Variants in ELMO1 observed in about 807,000 individuals in gnomAD.
ELMO1 encodes engulfment and cell motility 1.
In ELMO1, 26 loss-of-function variants were observed where a neutral mutation model predicts 98.9. The observed-to-expected ratio is 0.26, with a 90% CI of 0.19 to 0.36. ELMO1 has a LOEUF of 0.36. ELMO1 is among the 10% of genes least tolerant of loss of function. The pLI is 1.00. For missense variants in ELMO1, 627 were observed against 935.2 expected, an observed-to-expected ratio of 0.67 and a Z score of 4.30; for synonymous variants, 346 against 346.0, an observed-to-expected ratio of 1.00 and a Z score of 0.00.
At chr7:37,040,893 A>C (rs1012789167) in intron 15 of ELMO1, among the ~76,000 whole-genome samples, 1 of 151,970 alleles carries the variant, frequency 6.6e-6, no homozygotes, top group African/African-American at 2.4e-5. Context: ...CTATCCAACA[A>C]AGGCAAAACC....
At position 36,855,429 on chromosome 7, in the gene ELMO1, A is replaced by G. The variant is rs1331571071; in HGVS notation, c.*122T>C. 3 of 1,258,164 alleles carry G rather than the reference A, an allele frequency of 2.4e-6. No homozygotes were observed. The African/African-American group carries it at 4.4e-5, about 19-fold the overall frequency. The allele number at this position is 1,258,164 out of a possible 1,614,324, so 77.9% of individuals were successfully genotyped here. ...CAGGGCTAGAGGTGATGCTGAAGGG[A>G]ATGTGGACCCACAGCTTCCCTTTAC... On this transcript the variant is annotated 3_prime_UTR_variant, in exon 22 of 22. Coordinates refer to ENST00000310758, the MANE Select transcript of ELMO1 (RefSeq NM_014800.11). The surrounding 1 kb of genome is among the most constrained non-coding windows in gnomAD (Gnocchi z 4.2).
intron 1 of ELMO1, among the ~76,000 whole-genome samples, chr7:37,344,134 C>T (rs575974410): frequency 2.7e-5 from 4 of 148,222 alleles, no homozygotes; most frequent in South Asian, 2.1e-4. Flanking sequence ...CGGGTTCAAG[C>T]GATTCTCCCG....
intron 16 of ELMO1, among the ~76,000 whole-genome samples, chr7:37,004,229 A>G (rs1792889691): frequency 6.6e-6 from 1 of 152,198 alleles, no homozygotes; most frequent in East Asian, 1.9e-4. Flanking sequence ...AATGGGACAT[A>G]TACTAATAAA....
intron 1 of ELMO1, among the ~76,000 whole-genome samples, chr7:37,417,391 G>A (rs187135606): frequency 1.3e-5 from 2 of 152,186 alleles, no homozygotes; most frequent in East Asian, 3.9e-4. Flanking sequence ...GCCAGGCGCG[G>A]TGTCTTACGC....
At chr7:37,143,529 C>A (rs1298868463) in intron 13 of ELMO1, among the ~76,000 whole-genome samples, 1 of 151,790 alleles carries the variant, frequency 6.6e-6, no homozygotes, top group African/African-American at 2.4e-5. Context: ...GCCTCAGCCT[C>A]CTGAGTAGCT....
chr7:37,223,609 G>A (rs1406619623), intron 9 of ELMO1, among the ~76,000 whole-genome samples: 1 of 152,226 alleles, frequency 6.6e-6, no homozygotes, highest in East Asian at 1.9e-4. Flanking sequence ...GGATGAAGAT[G>A]TGTGCCTTTG....
chr7:37,154,891 AAATGTTAAGGGCAGCCAGAGAGAAAGGTC>A, intron 13 of ELMO1, among the ~76,000 whole-genome samples: 1 of 152,340 alleles, frequency 6.6e-6, no homozygotes, highest in East Asian at 1.9e-4. Flanking sequence ...AGGAAGGAAA[AAATGTTAAGGGCAGCCAGAGAGAAAGGTC>A]AAGTTACCCA....
chr7:37,364,648 A>G (rs1329584225), intron 1 of ELMO1, among the ~76,000 whole-genome samples: 1 of 151,822 alleles, frequency 6.6e-6, no homozygotes, highest in Admixed American at 6.6e-5. Context: ...CTCAAAACCA[A>G]ATTTCTTCTT....
intron 16 of ELMO1, among the ~76,000 whole-genome samples, chr7:36,922,184 C>T (rs914904627): frequency 1.2e-4 from 18 of 152,022 alleles, no homozygotes; most frequent in African/African-American, 3.1e-4. Context: ...GATTGAATGA[C>T]GCTATTTTTG....
chr7:37,069,049 A>G (rs988776309), intron 15 of ELMO1, among the ~76,000 whole-genome samples: 35 of 152,146 alleles, frequency 2.3e-4, no homozygotes, highest in Admixed American at 1.7e-3. Flanking sequence ...TCAGGGTTCT[A>G]TCCTGACAGT....
At chr7:36,969,911 G>T (rs759926412) in intron 16 of ELMO1, among the ~76,000 whole-genome samples, 1 of 150,908 alleles carries the variant, frequency 6.6e-6, no homozygotes, top group African/African-American at 2.4e-5. Context: ...TATTGTAAGG[G>T]GTTTTATTTT....
intron 16 of ELMO1, among the ~76,000 whole-genome samples, chr7:36,929,092 A>C (rs1785816203): frequency 6.6e-6 from 1 of 152,244 alleles, no homozygotes; most frequent in Non-Finnish European, 1.5e-5. Context: ...CTGGCTAGCA[A>C]GTAGCAGACT....
intron 15 of ELMO1, among the ~76,000 whole-genome samples, chr7:37,022,901 T>G (rs1003187855): frequency 2.0e-5 from 3 of 152,188 alleles, no homozygotes; most frequent in African/African-American, 7.2e-5. Context: ...TACAAAGAAA[T>G]TATTTTTAAA....
At chr7:37,292,498 G>A (rs1175361535) in intron 4 of ELMO1, among the ~76,000 whole-genome samples, 2 of 62,120 alleles carry the variant, frequency 3.2e-5, no homozygotes, top group Non-Finnish European at 4.7e-5. Context: ...CATCTAGGAA[G>A]TGAGGAGCGC....
At chr7:36,872,619 T>C (rs190095006) in intron 19 of ELMO1, among the ~76,000 whole-genome samples, 21 of 152,248 alleles carry the variant, frequency 1.4e-4, no homozygotes, top group Admixed American at 3.3e-4. Flanking sequence ...GAACACTGAC[T>C]TCAGTTCTCC....
At chr7:37,397,144 C>T in intron 1 of ELMO1, among the ~76,000 whole-genome samples, 1 of 152,186 alleles carries the variant, frequency 6.6e-6, no homozygotes, top group Non-Finnish European at 1.5e-5. Context: ...AATATATAGT[C>T]AACTGAACCT....
chr7:37,028,315 G>A (rs145161927), intron 15 of ELMO1, among the ~76,000 whole-genome samples: 25 of 152,180 alleles, frequency 1.6e-4, no homozygotes, highest in African/African-American at 2.9e-4. Context: ...CTTATTTGCC[G>A]TGATTTTTAA....
chr7:37,054,894 C>T (rs554413585), intron 15 of ELMO1, among the ~76,000 whole-genome samples: 50 of 152,312 alleles, frequency 3.3e-4, no homozygotes, highest in African/African-American at 1.1e-3. Context: ...AAATGTGAAA[C>T]AGACAAGCTT....
At chr7:36,903,291 C>G (rs139083704) in intron 16 of ELMO1, among the ~76,000 whole-genome samples, 19 of 152,328 alleles carry the variant, frequency 1.2e-4, no homozygotes, top group African/African-American at 3.4e-4. Context: ...TATCATTCTT[C>G]CTGACCTGCT....
Sources: gnomAD v4.1 joint callset for allele counts (sites outside exome capture counted in the v4.1 genomes callset) on GRCh38, gnomAD v4.1.1 for gene constraint, Gnocchi (gnomAD v3.1) non-coding constraint, MANE v1.5 for transcripts, NCBI Gene and HGNC (gene_info 2026-07-23, HGNC 2026-07-21) for gene names.